LTBP1: variants seen among roughly 807,000 people sequenced by gnomAD.
The protein encoded by LTBP1 is latent transforming growth factor beta binding protein 1, also known as latent-transforming growth factor beta-binding protein 1.
A neutral mutation model predicts 207.6 loss-of-function variants in LTBP1; 129 were observed. The observed-to-expected ratio is 0.62, with a 90% confidence interval of 0.54 to 0.72. The LOEUF is 0.72. LTBP1 is among the 30% of genes least tolerant of loss of function. The probability of loss-of-function intolerance (pLI) is 0.00; values close to 1 mark genes in which losing one functional copy is unlikely to be tolerated. For synonymous variants in LTBP1, 963 were observed against 833.7 expected, an observed-to-expected ratio of 1.16 and a Z score of -2.67; for missense variants, 2,281 against 2,217.2, an observed-to-expected ratio of 1.03 and a Z score of -0.58.
intron 32 of LTBP1, among the ~76,000 whole-genome samples, chr2:33,394,432 TAA>T: frequency 6.6e-6 from 1 of 152,372 alleles, no homozygotes; most frequent in African/African-American, 2.4e-5. Flanking sequence ...GTTTTAGGTC[TAA>T]CATGTAAGTC....
At chr2:33,277,789 C>CTTTCTTTCTTTCTTTCTTTCTTTCTTTT in intron 18 of LTBP1, among the ~76,000 whole-genome samples, 1 of 105,242 alleles carries the variant, frequency 9.5e-6, no homozygotes, top group African/African-American at 4.1e-5. Context: ...TTCTTTCTTT[C>CTTTCTTTCTTTCTTTCTTTCTTTCTTTT]TTTCTTTCTC....
At chr2:33,170,488 A>T (rs1183361312) in intron 5 of LTBP1, among the ~76,000 whole-genome samples, 1 of 152,218 alleles carries the variant, frequency 6.6e-6, no homozygotes, top group Non-Finnish European at 1.5e-5. Flanking sequence ...GCTTAGGTAA[A>T]CACAGCAGCC....
intron 5 of LTBP1, among the ~76,000 whole-genome samples, chr2:33,142,665 G>A (rs1174469858): frequency 6.6e-6 from 1 of 152,072 alleles, no homozygotes; most frequent in African/African-American, 2.4e-5. Context: ...GGGCAGAGTG[G>A]TTGTATAAGA....
At chr2:33,250,105 A>T (rs1242096083) in intron 10 of LTBP1, among the ~76,000 whole-genome samples, 8 of 152,238 alleles carry the variant, frequency 5.3e-5, no homozygotes, top group Non-Finnish European at 7.3e-5. Flanking sequence ...GGGTTTACGC[A>T]TCATATTGAC....
intron 24 of LTBP1, among the ~76,000 whole-genome samples, chr2:33,329,557 T>C (rs868010576): frequency 6.6e-6 from 1 of 152,066 alleles, no homozygotes; most frequent in Non-Finnish European, 1.5e-5. Context: ...GCCCCTGAAG[T>C]TTTTTTGCAT....
chr2:33,054,432 A>G lies in LTBP1; in HGVS notation c.863+33226A>G, dbSNP rs559175240. ...TTTAGCCTTCCAAATTGTCCTTCCA[A>G]TGCCCAGACTTCAGGGTTGATTCCC... On this transcript the variant is annotated intron_variant, in intron 3 of 33. Transcript: ENST00000404816. Among the ~76,000 whole-genome samples, 87 of 152,274 alleles carry G rather than the reference A, an allele frequency of 5.7e-4. 2 individuals carry two copies. Among genetic ancestry groups the G allele is most frequent in the Non-Finnish European group, 1.0e-3 (70 of 68,022 alleles).
At chr2:33,370,027 C>T (rs1158312041) in intron 31 of LTBP1, among the ~76,000 whole-genome samples, 1 of 151,354 alleles carries the variant, frequency 6.6e-6, no homozygotes, top group Admixed American at 6.6e-5. Flanking sequence ...GGTTTGGCAA[C>T]TTCTTTTCCC....
chr2:33,059,433 A>T (rs1237026232), intron 3 of LTBP1, among the ~76,000 whole-genome samples: 1 of 152,238 alleles, frequency 6.6e-6, no homozygotes, highest in Non-Finnish European at 1.5e-5. Flanking sequence ...TAGGGATCTA[A>T]TTTCAAACAC....
At chr2:32,983,015 T>G (rs1021005869) in intron 2 of LTBP1, among the ~76,000 whole-genome samples, 5 of 152,164 alleles carry the variant, frequency 3.3e-5, no homozygotes. Flanking sequence ...GAATGGTAGA[T>G]CCACCAACAG....
At chr2:33,141,495 A>G (rs116807572) in intron 5 of LTBP1, among the ~76,000 whole-genome samples, 5 of 152,234 alleles carry the variant, frequency 3.3e-5, no homozygotes, top group Non-Finnish European at 5.9e-5. Context: ...ACTACTGTCA[A>G]ATAGATATTA....
chr2:33,038,794 T>G (rs2076046821), intron 3 of LTBP1, among the ~76,000 whole-genome samples: 1 of 152,250 alleles, frequency 6.6e-6, no homozygotes, highest in South Asian at 2.1e-4. Flanking sequence ...TCAGATGTTC[T>G]TTTCCTTGTC....
chr2:33,336,027 C>T (rs994996000), intron 24 of LTBP1, among the ~76,000 whole-genome samples: 1 of 152,166 alleles, frequency 6.6e-6, no homozygotes, highest in African/African-American at 2.4e-5. Context: ...GTGCTTTCTT[C>T]CAAGGGTCTC....
At chr2:33,333,686 A>T (rs1425281019) in intron 24 of LTBP1, among the ~76,000 whole-genome samples, 1 of 152,206 alleles carries the variant, frequency 6.6e-6, no homozygotes, top group Non-Finnish European at 1.5e-5. Context: ...TGAGTTGGTT[A>T]TATTAAATTA....
At chr2:33,068,307 A>C (rs1282100687) in intron 3 of LTBP1, among the ~76,000 whole-genome samples, 1 of 151,970 alleles carries the variant, frequency 6.6e-6, no homozygotes, top group Non-Finnish European at 1.5e-5. Flanking sequence ...TTTTAGATTC[A>C]CAGCCAAAAT....
chr2:33,244,367 C>T (rs1160424976), intron 10 of LTBP1, among the ~76,000 whole-genome samples: 1 of 152,158 alleles, frequency 6.6e-6, no homozygotes, highest in African/African-American at 2.4e-5. Context: ...CTAAATTATA[C>T]TGTTTTGCCT....
chr2:32,959,597 GTATATATA>G (rs71407487), intron 2 of LTBP1, among the ~76,000 whole-genome samples: 95 of 58,272 alleles, frequency 1.6e-3, no homozygotes, highest in Middle Eastern at 0.014. Context: ...ATATGTACGT[GTATATATA>G]TATATATATA....
chr2:33,020,935 G>A lies in LTBP1; in HGVS notation c.592G>A (p.Gly198Arg). ...KPSCVPPCQN[G>R]GMCLRPQLCV... ...TAGCTGTGTTCCGCCATGTCAGAAT[G>A]GAGGGATGTGTCTCCGGCCACAACT... is the stretch of plus-strand genomic sequence containing the variant. The change falls in exon 3 of 34, where the codon GGA (glycine) becomes AGA (arginine). Residue 198 changes from glycine to arginine, a missense_variant. By Grantham distance (125) the Gly-to-Arg change is moderately radical (BLOSUM62 -2). Coordinates refer to ENST00000404816, the MANE Select transcript of LTBP1 (RefSeq NM_206943.4). 2 of 1,594,152 alleles carry A rather than the reference G, an allele frequency of 1.3e-6. No individual in the cohort carries two copies. The highest frequency in any genetic ancestry group is 1.7e-6 in the Non-Finnish European group (2 of 1,165,096).
chr2:33,295,192 C>G (rs958018827), intron 20 of LTBP1, among the ~76,000 whole-genome samples: 1 of 150,882 alleles, frequency 6.6e-6, no homozygotes, highest in Admixed American at 6.6e-5. Flanking sequence ...CTCATTTATC[C>G]GGCTTTTTAT....
At position 33,398,632 on chromosome 2, in the gene LTBP1, A is replaced by T; in HGVS notation, c.*87A>T. 1 of 1,293,724 alleles carries T rather than the reference A, an allele frequency of 7.7e-7. No homozygotes were observed. Among genetic ancestry groups the T allele is most frequent in the South Asian group, 1.6e-5 (1 of 62,416 alleles). 80.1% of individuals were successfully genotyped at this position (1,293,724 alleles called of 1,614,324 possible). On this transcript the variant is annotated 3_prime_UTR_variant, in exon 34 of 34. Transcript: ENST00000404816. Reference sequence around the variant, plus strand: ...GTATTATACTTGAGACATTGCACCTACCCCGGAAGGCTGGAAATACAGAAA... The same window carrying T: ...GTATTATACTTGAGACATTGCACCTTCCCCGGAAGGCTGGAAATACAGAAA...
Sources: gnomAD v4.1 joint callset for allele counts (sites outside exome capture counted in the v4.1 genomes callset) on GRCh38, gnomAD v4.1.1 for gene constraint, MANE v1.5 for transcripts, NCBI Gene and HGNC (gene_info 2026-07-23, HGNC 2026-07-21) for gene names.